The following NRG1 variants were observed in gnomAD, a reference collection of about 807,000 sequenced individuals.
The protein encoded by NRG1 is neuregulin 1.
NRG1 carries 18 observed loss-of-function variants against 63.8 expected under a neutral mutation model. That is an observed-to-expected ratio of 0.28 (90% confidence interval 0.19 to 0.42). The LOEUF is 0.42. Ranked by LOEUF, NRG1 falls within the 10% of genes least tolerant of loss-of-function variation. The pLI, the probability that NRG1 is intolerant of heterozygous loss-of-function variation, is 1.00. For synonymous variants in NRG1, 302 were observed against 301.3 expected (o/e 1.00, Z -0.02); for missense variants, 762 against 814.7 (o/e 0.94, Z 0.79).
At chr8:32,602,390 A>G (rs1844531668) in intron 2 of NRG1, among the ~76,000 whole-genome samples, 1 of 152,122 alleles carries the variant, frequency 6.6e-6, no homozygotes, top group Admixed American at 6.6e-5. Context: ...AACTGTAAAT[A>G]TGATTACCAT....
intron 1 of NRG1, among the ~76,000 whole-genome samples, chr8:32,335,196 TC>T (rs1803112083): frequency 6.6e-6 from 1 of 152,222 alleles, no homozygotes; most frequent in South Asian, 2.1e-4. Context: ...AAAACTATTT[TC>T]TTATTAACTG....
At chr8:32,713,334 G>C (rs1363692236) in intron 5 of NRG1, among the ~76,000 whole-genome samples, 3 of 152,102 alleles carry the variant, frequency 2.0e-5, no homozygotes, top group Non-Finnish European at 4.4e-5. Context: ...ACTCAGACAA[G>C]TAACCAGCTC....
intron 1 of NRG1, among the ~76,000 whole-genome samples, chr8:32,079,148 T>TACACACACACACACACACAAACAC (rs1827052810): frequency 1.4e-5 from 2 of 145,762 alleles, no homozygotes; most frequent in Non-Finnish European, 3.0e-5. Context: ...TAGAATGAAA[T>TACACACACACACACACACAAACAC]ACACACACAC....
intron 1 of NRG1, among the ~76,000 whole-genome samples, chr8:31,726,248 G>C (rs797000115): frequency 3.3e-5 from 5 of 152,056 alleles, no homozygotes; most frequent in African/African-American, 1.2e-4. Flanking sequence ...AACAAATAAA[G>C]TTTTAAATAC....
At chr8:32,294,764 T>C (rs1052845436) in intron 1 of NRG1, among the ~76,000 whole-genome samples, 1 of 151,854 alleles carries the variant, frequency 6.6e-6, no homozygotes, top group Non-Finnish European at 1.5e-5. Flanking sequence ...TCTATTTCTT[T>C]GTAGATTTCT....
chr8:32,172,769 G>A (rs1396023219), intron 1 of NRG1, among the ~76,000 whole-genome samples: 1 of 152,176 alleles, frequency 6.6e-6, no homozygotes, highest in African/African-American at 2.4e-5. Context: ...ATGAAATGAA[G>A]CAAGAAGAGA....
At chr8:32,427,500 T>G (rs1205640269) in intron 1 of NRG1, among the ~76,000 whole-genome samples, 1 of 152,184 alleles carries the variant, frequency 6.6e-6, no homozygotes, top group African/African-American at 2.4e-5. Context: ...GAGCTGCGAC[T>G]GGGGCAGAGA....
chr8:32,628,068 A>AT (rs1161743337), intron 5 of NRG1, among the ~76,000 whole-genome samples: 1 of 152,162 alleles, frequency 6.6e-6, no homozygotes, highest in Admixed American at 6.5e-5. Context: ...TTGAGAACAG[A>AT]TTTTTTTCAA....
chr8:31,980,195 G>A (rs1236219055), intron 1 of NRG1, among the ~76,000 whole-genome samples: 1 of 151,908 alleles, frequency 6.6e-6, no homozygotes, highest in Non-Finnish European at 1.5e-5. Flanking sequence ...GAATGAAATG[G>A]TTCTGCTAAT....
chr8:32,225,716 A>G (rs1483675783), intron 1 of NRG1, among the ~76,000 whole-genome samples: 1 of 152,212 alleles, frequency 6.6e-6, no homozygotes, highest in Non-Finnish European at 1.5e-5. Flanking sequence ...AAGCAGCTAG[A>G]AAGTACCACA....
chr8:32,572,251 T>G (rs1465969659), intron 1 of NRG1, among the ~76,000 whole-genome samples: 1 of 152,176 alleles, frequency 6.6e-6, no homozygotes, highest in African/African-American at 2.4e-5. Flanking sequence ...ATTTATATAC[T>G]TAGCTTCTTT....
At chr8:32,451,254 C>A (rs1158617400) in intron 1 of NRG1, among the ~76,000 whole-genome samples, 1 of 152,180 alleles carries the variant, frequency 6.6e-6, no homozygotes, top group Non-Finnish European at 1.5e-5. Flanking sequence ...CATCTGATTG[C>A]TTGATAACAT....
At chr8:32,711,239 T>C (rs1377726279) in intron 5 of NRG1, among the ~76,000 whole-genome samples, 1 of 151,728 alleles carries the variant, frequency 6.6e-6, no homozygotes. Flanking sequence ...TTTTTTTTTT[T>C]CCAACTGTGA....
At chr8:32,763,437 G>A (rs1831076056) in intron 11 of NRG1, 1 of 1,445,342 alleles carries the variant, frequency 6.9e-7, no homozygotes, top group African/African-American at 1.4e-5. Context: ...AGGTTTCCAG[G>A]ACCTAATGCC....
chr8:31,808,139 T>G (rs1415301931), intron 1 of NRG1, among the ~76,000 whole-genome samples: 1 of 152,136 alleles, frequency 6.6e-6, no homozygotes, highest in Non-Finnish European at 1.5e-5. Flanking sequence ...TTGTTCCAAT[T>G]TTATGATTTT....
At chr8:32,725,228 G>T (rs561555780) in intron 5 of NRG1, among the ~76,000 whole-genome samples, 45 of 152,168 alleles carry the variant, frequency 3.0e-4, no homozygotes, top group African/African-American at 9.9e-4. Context: ...TGCTGTTCAG[G>T]TTGCATGAAG....
intron 1 of NRG1, among the ~76,000 whole-genome samples, chr8:31,928,604 C>T (rs1039488135): frequency 1.3e-5 from 2 of 149,376 alleles, no homozygotes; most frequent in Non-Finnish European, 3.0e-5. Context: ...AAATGTGGTG[C>T]GTGCATGTGT....
intron 1 of NRG1, among the ~76,000 whole-genome samples, chr8:32,536,333 G>C (rs1831962333): frequency 6.6e-6 from 1 of 152,132 alleles, no homozygotes; most frequent in Non-Finnish European, 1.5e-5. Context: ...CAAGCTCTCA[G>C]ACGCTGCCCT....
chr8:32,479,499 A>G (rs1215814888), intron 1 of NRG1, among the ~76,000 whole-genome samples: 2 of 152,066 alleles, frequency 1.3e-5, no homozygotes, highest in Admixed American at 6.6e-5. Flanking sequence ...AAATAAATTC[A>G]TTAAACTGAA....
Sources: gnomAD v4.1 joint callset for allele counts (sites outside exome capture counted in the v4.1 genomes callset) on GRCh38, gnomAD v4.1.1 for gene constraint, MANE v1.5 for transcripts, NCBI Gene and HGNC (gene_info 2026-07-23, HGNC 2026-07-21) for gene names.